Variants in NOL10 observed in about 807,000 individuals in gnomAD.
NOL10 encodes H_NH0074G24.1.
In NOL10, 58 loss-of-function variants were observed where a neutral mutation model predicts 103.5. The ratio of observed to expected loss-of-function variants is 0.56; its 90% CI spans 0.45 to 0.70. NOL10 has a LOEUF of 0.70. NOL10 is among the 30% of genes least tolerant of loss of function. The probability of loss-of-function intolerance (pLI) is 0.00; values close to 1 mark genes in which losing one functional copy is unlikely to be tolerated. For synonymous variants in NOL10, 287 were observed against 282.5 expected (o/e 1.02, Z -0.16); for missense variants, 763 against 807.3 (o/e 0.95, Z 0.67).
intron 12 of NOL10, among the ~76,000 whole-genome samples, chr2:10,649,041 A>G (rs555580323): frequency 3.2e-4 from 48 of 152,314 alleles, no homozygotes; most frequent in African/African-American, 9.9e-4. Flanking sequence ...TGGATGTAAG[A>G]TAATATTAGA....
intron 1 of NOL10, among the ~76,000 whole-genome samples, chr2:10,687,877 C>T (rs1200004862): frequency 3.9e-5 from 6 of 152,120 alleles, no homozygotes; most frequent in Admixed American, 6.5e-5. Flanking sequence ...CGCTTGAACC[C>T]GAGAGGTTGC....
chr2:10,685,154 C>T (rs1682064053), intron 1 of NOL10, among the ~76,000 whole-genome samples: 1 of 152,112 alleles, frequency 6.6e-6, no homozygotes, highest in Non-Finnish European at 1.5e-5. Context: ...AAAAGTAAAA[C>T]ATTTATAGGA....
chr2:10,653,733 A>G (rs1041211220), intron 12 of NOL10, among the ~76,000 whole-genome samples: 2 of 151,146 alleles, frequency 1.3e-5, no homozygotes, highest in Non-Finnish European at 2.9e-5. Context: ...TCAGCCCCCC[A>G]ACTCCACCTA....
chr2:10,587,096 TAC>T (rs1294325160), intron 19 of NOL10, among the ~76,000 whole-genome samples: 1,880 of 33,590 alleles, frequency 0.056, 445 homozygotes, highest in Non-Finnish European at 0.08. Context: ...TACATATATA[TAC>T]ACATATATAT....
At chr2:10,659,095 CA>C in intron 10 of NOL10, 76 bp downstream of exon 10, 1 of 926,982 alleles carries the variant, frequency 1.1e-6, no homozygotes, top group East Asian at 2.6e-5. Context: ...TCTGTTCCTG[CA>C]GTGTATTTCT....
intron 13 of NOL10, among the ~76,000 whole-genome samples, chr2:10,611,643 C>T (rs544800969): frequency 4.8e-4 from 73 of 152,138 alleles, no homozygotes; most frequent in Admixed American, 9.2e-4. Context: ...TGGCCAGGCA[C>T]AGTGGCTCAC....
chr2:10,589,687 A>G lies in NOL10; in HGVS notation c.1487T>C (p.Val496Ala), dbSNP rs1207480162. Residue 496 changes from valine to alanine, a missense_variant, in exon 18 of 21, where the codon GTA becomes GCA. Physicochemically the swap from Val to Ala is moderately conservative, Grantham distance 64. Coordinates refer to ENST00000381685, the MANE Select transcript of NOL10 (RefSeq NM_024894.4). ...KVMFENPDFQ[V>A]DEESEEFRLL... ...CCTAAATTCTTCACTCTCTTCATCT[A>G]CTTGGAAGTCAGGGTTCTCAAACAT... The G allele has an allele frequency of 1.9e-6, 3 of 1,586,320 alleles. No homozygotes were observed. Among genetic ancestry groups the G allele is most frequent in the Non-Finnish European group, 1.7e-6 (2 of 1,167,728 alleles).
At position 10,612,942 on chromosome 2, in the gene NOL10, T is replaced by C. The variant is rs1035301431; in HGVS notation, c.1027-5631A>G. 2.0e-5 allele frequency among the ~76,000 whole-genome samples: 3 copies of C among 149,494 alleles called. No homozygotes were observed. In the Admixed American group the frequency reaches 2.0e-4, roughly 10 times the overall value. On this transcript the variant is annotated intron_variant, in intron 13 of 20. Transcript: ENST00000381685. ...TATTCCTGAGGCTGAGATGGGAGGA[T>C]CACCTGAGCCATGATCACGCCACTG...
chr2:10,662,090 G>A (rs1384791634), intron 9 of NOL10, among the ~76,000 whole-genome samples: 1 of 152,072 alleles, frequency 6.6e-6, no homozygotes, highest in Non-Finnish European at 1.5e-5. Flanking sequence ...ATATGCTTCT[G>A]CAACATAATT....
intron 3 of NOL10, among the ~76,000 whole-genome samples, chr2:10,679,823 G>A (rs1681602862): frequency 6.6e-6 from 1 of 152,116 alleles, no homozygotes; most frequent in African/African-American, 2.4e-5. Flanking sequence ...ATTTCACCAT[G>A]TTGGGCAGGC....
At chr2:10,622,144 T>A in intron 13 of NOL10, 1 of 461,408 alleles carries the variant, frequency 2.2e-6, no homozygotes. Context: ...AGCACTGGTT[T>A]AGAGAACTGG....
intron 9 of NOL10, among the ~76,000 whole-genome samples, chr2:10,661,615 C>A (rs1268367190): frequency 6.6e-6 from 1 of 152,148 alleles, no homozygotes; most frequent in Non-Finnish European, 1.5e-5. Flanking sequence ...AAGTGATCCT[C>A]CAGCTTCGGC....
At position 10,602,798 on chromosome 2, in the gene NOL10, C is replaced by T. The variant is rs767793753; in HGVS notation, c.1310G>A (p.Arg437His). Reference protein sequence around the residue: ...DKIRQKIEETRAQRVQLKKLP... With the variant: ...DKIRQKIEETHAQRVQLKKLP... ...TACCTTTAACTGGACTCTCTGTGCA[C>T]GTGTTTCTTCTATTTTCTGTCGTAT... Residue 437 changes from arginine (R) to histidine (H), a missense_variant, in exon 16 of 21, where the codon CGT becomes CAT. Coordinates refer to ENST00000381685, the MANE Select transcript of NOL10 (RefSeq NM_024894.4). 8.1e-6 allele frequency: 13 copies of T among 1,602,670 alleles called. No homozygotes were observed. Among genetic ancestry groups the T allele is most frequent in the Admixed American group, 3.3e-5 (2 of 59,858 alleles).
intron 8 of NOL10, among the ~76,000 whole-genome samples, chr2:10,663,495 TATC>T (rs1409033263): frequency 4.6e-5 from 7 of 151,882 alleles, no homozygotes; most frequent in Non-Finnish European, 7.4e-5. Flanking sequence ...AGGGAAGAAA[TATC>T]ATAATGCCTG....
chr2:10,689,905 G>C lies in NOL10; in HGVS notation c.-44C>G, dbSNP rs772904743. The C allele has an allele frequency of 7.1e-6, 11 of 1,555,216 alleles. No individual in the cohort carries two copies. Among genetic ancestry groups the C allele is most frequent in the East Asian group, 4.7e-5 (2 of 42,188 alleles). On this transcript the variant is annotated 5_prime_UTR_variant, in exon 1 of 21. Transcript: ENST00000381685. ...TCAAGTCCCGGGTCCTTTCCCACCA[G>C]CGTGCTCGAGCACCGTAATCCCGGG... is the stretch of plus-strand genomic sequence containing the variant.
chr2:10,625,573 A>C (rs1243838663), intron 13 of NOL10, among the ~76,000 whole-genome samples: 1 of 152,220 alleles, frequency 6.6e-6, no homozygotes, highest in East Asian at 1.9e-4. Context: ...TCTGTTCCTC[A>C]AGAAGGTAAA....
chr2:10,634,763 A>C (rs1174609802), intron 13 of NOL10, among the ~76,000 whole-genome samples: 1 of 152,232 alleles, frequency 6.6e-6, no homozygotes, highest in Non-Finnish European at 1.5e-5. Context: ...AGGAGGAGCC[A>C]GTGAAGACTG....
rs560674011 is a variant in NOL10, at chr2:10,646,806, T to A, written c.974-2434A>T. Among the ~76,000 whole-genome samples, 5 of 152,236 alleles carry A rather than the reference T, an allele frequency of 3.3e-5. No homozygotes were observed. In the East Asian group the frequency reaches 9.7e-4, roughly 29 times the overall value. On this transcript the variant is annotated intron_variant, in intron 12 of 20. Coordinates refer to ENST00000381685, the MANE Select transcript of NOL10 (RefSeq NM_024894.4). The stretch of plus-strand genomic sequence containing the variant: ...CATAACATGGGACTCTGACACTTCA[T>A]CAACTAAGGTAAAATTAAAAGACCT...
chr2:10,627,415 C>T (rs922459669), intron 13 of NOL10, among the ~76,000 whole-genome samples: 2 of 152,148 alleles, frequency 1.3e-5, no homozygotes, highest in African/African-American at 2.4e-5. Flanking sequence ...TCTTCTCACA[C>T]CTGTAATCCC....
Sources: gnomAD v4.1 joint callset for allele counts (sites outside exome capture counted in the v4.1 genomes callset) on GRCh38, gnomAD v4.1.1 for gene constraint, MANE v1.5 for transcripts, NCBI Gene and HGNC (gene_info 2026-07-23, HGNC 2026-07-21) for gene names.